Variants in KMT2C observed in about 807,000 individuals in gnomAD.
KMT2C encodes histone-lysine N-methyltransferase 2C.
In KMT2C, 88 loss-of-function variants were observed where a neutral mutation model predicts 507.9. The ratio of observed to expected loss-of-function variants is 0.17; its 90% CI spans 0.15 to 0.21. KMT2C has a LOEUF of 0.21. Ranked by LOEUF, KMT2C falls within the 10% of genes least tolerant of loss-of-function variation. The probability of loss-of-function intolerance (pLI) is 1.00; values close to 1 mark genes in which losing one functional copy is unlikely to be tolerated. For synonymous variants in KMT2C, 2,049 were observed against 2,080.8 expected, an observed-to-expected ratio of 0.98 and a Z score of 0.42; for missense variants, 4,954 against 5,957.8, an observed-to-expected ratio of 0.83 and a Z score of 5.55.
chr7:152,373,353 AAT>A (rs1752870415), intron 1 of KMT2C, among the ~76,000 whole-genome samples: 1 of 152,230 alleles, frequency 6.6e-6, no homozygotes, highest in Admixed American at 6.5e-5. Flanking sequence ...ATAAGCACTC[AAT>A]ATATGTTTTG....
chr7:152,213,691 A>G (rs984546144), intron 23 of KMT2C, among the ~76,000 whole-genome samples: 2 of 152,018 alleles, frequency 1.3e-5, no homozygotes, highest in Admixed American at 6.6e-5. Flanking sequence ...AAGCTCAGGT[A>G]GCAAAAGCAA....
intron 1 of KMT2C, among the ~76,000 whole-genome samples, chr7:152,372,707 C>T (rs907371767): frequency 2.0e-5 from 3 of 152,022 alleles, no homozygotes; most frequent in Admixed American, 6.6e-5. Flanking sequence ...TTTGGAGCAC[C>T]TAAATATATA....
intron 3 of KMT2C, among the ~76,000 whole-genome samples, chr7:152,325,085 T>G (rs2096814268): frequency 6.6e-6 from 1 of 152,152 alleles, no homozygotes; most frequent in African/African-American, 2.4e-5. Flanking sequence ...TTCTGTCATT[T>G]ATCTTTTTAC....
intron 39 of KMT2C, 115 bp downstream of exon 39, chr7:152,174,016 G>C (rs1421699968): frequency 1.7e-6 from 1 of 580,408 alleles, no homozygotes; most frequent in African/African-American, 1.9e-5. Flanking sequence ...AACTTAAATA[G>C]TGTTGTTCAT....
At chr7:152,339,740 C>T (rs2096972942) in intron 2 of KMT2C, among the ~76,000 whole-genome samples, 1 of 152,144 alleles carries the variant, frequency 6.6e-6, no homozygotes, top group Admixed American at 6.5e-5. Flanking sequence ...AAAACAGGCA[C>T]TGTATCTGTT....
chr7:152,171,282 T>C lies in KMT2C; in HGVS notation c.9435A>G (p.Gly3145=). The C allele has an allele frequency of 2.5e-6, 4 of 1,609,350 alleles. No individual in the cohort carries two copies. Among genetic ancestry groups the C allele is most frequent in the Non-Finnish European group, 3.4e-6 (4 of 1,177,790 alleles). ...GTGTTACCTGAGGAATGGCCTGTGG[T>C]CCAAGGTTCTGTCCTTCACTGTTCT... ...GTQNSEGQNL[G]PQAIPQDGSI... The change falls in exon 40 of 59, where the codon GGA becomes GGG. Residue 3145 remains glycine, a synonymous_variant. Transcript: ENST00000262189.
rs1238817126 is a variant in KMT2C at position 152,180,820 on chromosome 7, T to C, written c.7040A>G (p.Gln2347Arg). The part of the protein sequence containing the change: ...SSNSPMHSQG[Q>R]QFSGVSQLPG... ...AAGTTGGGAGACACCAGAGAACTGC[T>C]GGCCTTGGGAGTGCATTGGAGAGTT... Residue 2347 changes from glutamine to arginine, a missense_variant, in exon 36 of 59, where the codon CAG (glutamine) becomes CGG (arginine). Coordinates refer to ENST00000262189, the MANE Select transcript of KMT2C (RefSeq NM_170606.3). The C allele has an allele frequency of 1.1e-5, 17 of 1,614,194 alleles. No individual in the cohort carries two copies. In the Admixed American group the frequency reaches 2.8e-4, roughly 27 times the overall value.
chr7:152,385,611 C>CA (rs1160527130), intron 1 of KMT2C, among the ~76,000 whole-genome samples: 262 of 19,442 alleles, frequency 0.013, 97 homozygotes, highest in Non-Finnish European at 0.014. Context: ...GACTCCGTCT[C>CA]AAAAAAAAAA....
chr7:152,278,196 C>G (rs938777207), intron 6 of KMT2C, among the ~76,000 whole-genome samples: 2 of 152,158 alleles, frequency 1.3e-5, no homozygotes, highest in Non-Finnish European at 2.9e-5. Flanking sequence ...GGCATCTCCA[C>G]CCCTCTCCTT....
At chr7:152,377,760 T>G (rs2097340676) in intron 1 of KMT2C, among the ~76,000 whole-genome samples, 1 of 149,670 alleles carries the variant, frequency 6.7e-6, no homozygotes, top group Non-Finnish European at 1.5e-5. Flanking sequence ...AAAAAGTGAT[T>G]CCTGTAGTAG....
intron 2 of KMT2C, among the ~76,000 whole-genome samples, chr7:152,343,206 G>C (rs1228691208): frequency 6.6e-6 from 1 of 152,182 alleles, no homozygotes; most frequent in Non-Finnish European, 1.5e-5. Flanking sequence ...AAGCAACTAT[G>C]ATTAATATGC....
chr7:152,154,522 C>T, intron 46 of KMT2C, 77 bp from the exon 47 acceptor site: 3 of 1,234,886 alleles, frequency 2.4e-6, no homozygotes, highest in Non-Finnish European at 2.3e-6. Flanking sequence ...CTGCTGACAT[C>T]TGTGAATACA....
At position 152,180,982 on chromosome 7, in the gene KMT2C, G is replaced by C. The variant is rs777588372; in HGVS notation, c.6878C>G (p.Ser2293Cys). Residue 2293 changes from serine to cysteine, a missense_variant, in exon 36 of 59, where the codon TCT (serine) becomes TGT (cysteine). Ser to Cys is a moderately radical substitution (Grantham distance 112). Transcript: ENST00000262189. ...CTGATCATAGGGATCACGGGCAGCAGATGGGGAAACACGGCTAAATGTGTC... is the reference window on the plus strand; with the variant it reads ...CTGATCATAGGGATCACGGGCAGCACATGGGGAAACACGGCTAAATGTGTC... Reference protein sequence around the residue: ...LSDTFSRVSPSAARDPYDQSP... With the variant: ...LSDTFSRVSPCAARDPYDQSP... The C allele has an allele frequency of 6.2e-7, 1 of 1,614,202 alleles. No individual in the cohort carries two copies. Among genetic ancestry groups the C allele is most frequent in the Non-Finnish European group, 8.5e-7 (1 of 1,180,020 alleles).
chr7:152,300,578 G>A (rs2096557146), intron 6 of KMT2C, among the ~76,000 whole-genome samples: 1 of 152,200 alleles, frequency 6.6e-6, no homozygotes, highest in Non-Finnish European at 1.5e-5. Context: ...GACTCTGTCA[G>A]TGTCTTTTGC....
chr7:152,389,569 G>A (rs148070042), intron 1 of KMT2C, among the ~76,000 whole-genome samples: 1,883 of 151,928 alleles, frequency 0.012, 8 homozygotes, highest in Non-Finnish European at 0.02. Flanking sequence ...ATCCTCCCAA[G>A]TAGCTGGGAC....
At chr7:152,361,690 T>C (rs746456421) in intron 1 of KMT2C, among the ~76,000 whole-genome samples, 9 of 152,134 alleles carry the variant, frequency 5.9e-5, no homozygotes, top group Non-Finnish European at 8.8e-5. Flanking sequence ...AAACAAATGG[T>C]ACATAGAAAA....
At chr7:152,320,133 C>T (rs1053084062) in intron 3 of KMT2C, among the ~76,000 whole-genome samples, 3 of 152,136 alleles carry the variant, frequency 2.0e-5, no homozygotes, top group Admixed American at 6.6e-5. Context: ...GGGCTGGACC[C>T]TACAAATTTC....
intron 31 of KMT2C, among the ~76,000 whole-genome samples, chr7:152,188,591 T>A (rs1205660350): frequency 1.4e-5 from 2 of 141,274 alleles, no homozygotes; most frequent in South Asian, 2.2e-4. Flanking sequence ...AAAAAAAAAA[T>A]CTATGATTCT....
intron 13 of KMT2C, among the ~76,000 whole-genome samples, chr7:152,249,303 T>C (rs560473516): frequency 6.7e-6 from 1 of 148,168 alleles, no homozygotes; most frequent in African/African-American, 2.5e-5. Flanking sequence ...TACCAATCAG[T>C]GACTAAAATT....
Sources: gnomAD v4.1 joint callset for allele counts (sites outside exome capture counted in the v4.1 genomes callset) on GRCh38, gnomAD v4.1.1 for gene constraint, MANE v1.5 for transcripts, NCBI Gene and HGNC (gene_info 2026-07-23, HGNC 2026-07-21) for gene names.